The following MLLT10 variants were observed in gnomAD, a reference collection of about 807,000 sequenced individuals.
The protein encoded by MLLT10 is MLLT10 histone lysine methyltransferase DOT1L cofactor, also known as protein AF-10.
MLLT10 carries 30 observed loss-of-function variants against 129.1 expected under a neutral mutation model. The observed-to-expected ratio is 0.23, with a 90% CI of 0.17 to 0.32. MLLT10 has a LOEUF of 0.32. Ranked by LOEUF, MLLT10 falls within the 10% of genes least tolerant of loss-of-function variation. The probability of loss-of-function intolerance (pLI) is 1.00; values close to 1 mark genes in which losing one functional copy is unlikely to be tolerated. For synonymous variants in MLLT10, 490 were observed against 446.4 expected, an observed-to-expected ratio of 1.10 and a Z score of -1.23; for missense variants, 1,119 against 1,268.3, an observed-to-expected ratio of 0.88 and a Z score of 1.79.
intron 5 of MLLT10, among the ~76,000 whole-genome samples, chr10:21,597,972 G>A (rs965648058): frequency 1.3e-5 from 2 of 152,020 alleles, no homozygotes; most frequent in African/African-American, 4.8e-5. Flanking sequence ...TCTTTTTATA[G>A]TCAGTATGGA....
chr10:21,612,561 G>C (rs1446337467), intron 6 of MLLT10, 110 bp downstream of exon 6: 1 of 552,542 alleles, frequency 1.8e-6, no homozygotes, highest in African/African-American at 1.9e-5. Flanking sequence ...AACTTTATTG[G>C]TATAGTTTCT....
At chr10:21,579,018 C>G (rs2041089616) in intron 3 of MLLT10, among the ~76,000 whole-genome samples, 1 of 152,156 alleles carries the variant, frequency 6.6e-6, no homozygotes, top group South Asian at 2.1e-4. Context: ...TGAAGAATTT[C>G]TTTAGCCTTT....
chr10:21,739,645 C>T (rs2058670307), intron 21 of MLLT10, among the ~76,000 whole-genome samples: 1 of 152,164 alleles, frequency 6.6e-6, no homozygotes, highest in Non-Finnish European at 1.5e-5. Context: ...AGAGTGGTAA[C>T]TGCATCAAGA....
At chr10:21,699,803 C>CT (rs1335576973) in intron 13 of MLLT10, among the ~76,000 whole-genome samples, 1 of 152,034 alleles carries the variant, frequency 6.6e-6, no homozygotes, top group African/African-American at 2.4e-5. Context: ...TTTGAAGTGA[C>CT]GTAGCATGAT....
rs1163740638 is a variant in MLLT10 at position 21,697,099 on chromosome 10, CAAAAAAAAAAA to C, written c.1699+14855_1699+14865del. On this transcript the variant is annotated intron_variant, in intron 13 of 22. Transcript: ENST00000307729. ...AGAAGTGAATTCTGTCTGATTTAAGCAAAAAAAAAAAAAAAAAAAAAAAGAGGGAGAATTTA... is the reference window on the plus strand; with the variant it reads ...AGAAGTGAATTCTGTCTGATTTAAGCAAAAAAAAAAAAGAGGGAGAATTTA... Among the ~76,000 whole-genome samples the C allele has an allele frequency of 3.3e-4, 27 of 82,660 alleles. 1 individual carries two copies. In the East Asian group the frequency reaches 8.1e-3, roughly 25 times the overall value. 54.2% of individuals were successfully genotyped at this position (82,660 alleles called of 152,430 possible). A position where few individuals can be genotyped will look rare whatever the true frequency, so the allele number is the denominator to read the frequency against.
chr10:21,644,665 AC>A (rs2048317852), intron 8 of MLLT10, among the ~76,000 whole-genome samples: 1 of 152,138 alleles, frequency 6.6e-6, no homozygotes, highest in Non-Finnish European at 1.5e-5. Context: ...TTTTTGAGAC[AC>A]GGTCTCACTC....
chr10:21,570,923 T>C (rs1482681657), intron 3 of MLLT10, among the ~76,000 whole-genome samples: 1 of 152,174 alleles, frequency 6.6e-6, no homozygotes, highest in Non-Finnish European at 1.5e-5. Flanking sequence ...CCTTGTTTTC[T>C]AGTTTCTCTA....
chr10:21,591,799 C>A (rs2042535650), intron 4 of MLLT10, among the ~76,000 whole-genome samples: 1 of 151,852 alleles, frequency 6.6e-6, no homozygotes, highest in Non-Finnish European at 1.5e-5. Context: ...TCTCGGCTCA[C>A]TGCAACCTCT....
chr10:21,559,417 C>A (rs2038508113), intron 3 of MLLT10, among the ~76,000 whole-genome samples: 1 of 152,148 alleles, frequency 6.6e-6, no homozygotes. Context: ...ATTTTTGAAT[C>A]CATGAACATG....
At chr10:21,621,068 T>A (rs1589270743) in intron 8 of MLLT10, among the ~76,000 whole-genome samples, 1 of 149,878 alleles carries the variant, frequency 6.7e-6, no homozygotes. Flanking sequence ...TACTGCAAGC[T>A]CCGCCTCCGG....
At chr10:21,678,882 T>G (rs755716148) in intron 11 of MLLT10, among the ~76,000 whole-genome samples, 10 of 152,198 alleles carry the variant, frequency 6.6e-5, no homozygotes, top group Non-Finnish European at 1.5e-4. Context: ...ACAGCTCCTC[T>G]TGATGTTGTT....
chr10:21,572,884 T>C (rs373959598), intron 3 of MLLT10, among the ~76,000 whole-genome samples: 8 of 152,180 alleles, frequency 5.3e-5, no homozygotes, highest in African/African-American at 1.9e-4. Flanking sequence ...GTGCTGGGAT[T>C]ACAGGCATGA....
At chr10:21,694,124 G>T (rs1390950660) in intron 13 of MLLT10, among the ~76,000 whole-genome samples, 4 of 152,182 alleles carry the variant, frequency 2.6e-5, no homozygotes, top group African/African-American at 9.7e-5. Flanking sequence ...CCATTTGAGA[G>T]TAAGTTGCGC....
intron 3 of MLLT10, among the ~76,000 whole-genome samples, chr10:21,562,386 G>GGA (rs1475411809): frequency 1.3e-5 from 2 of 150,978 alleles, no homozygotes; most frequent in Non-Finnish European, 2.9e-5. Context: ...TGCCCAGGCT[G>GGA]GAGTGCAGTG....
intron 3 of MLLT10, among the ~76,000 whole-genome samples, chr10:21,573,064 G>C (rs1479639347): frequency 6.6e-6 from 1 of 151,954 alleles, no homozygotes; most frequent in Admixed American, 6.6e-5. Flanking sequence ...CCTTACTTAA[G>C]TCATATTAAT....
At chr10:21,600,909 T>C (rs2043464058) in intron 5 of MLLT10, among the ~76,000 whole-genome samples, 1 of 152,124 alleles carries the variant, frequency 6.6e-6, no homozygotes, top group African/African-American at 2.4e-5. Context: ...CTATTATTCA[T>C]TATATTTGTT....
Position 21,703,598 on chromosome 10 carries a change from G to A in MLLT10, c.1700-10174G>A, listed in dbSNP as rs573946134. ...CTCGCTTTGTCACCCAGGCTGGAGT[G>A]CAGTGGCGCGATCTCCGCTCACTGC... On this transcript the variant is annotated intron_variant, in intron 13 of 22. Transcript: ENST00000307729. 7.9e-5 allele frequency among the ~76,000 whole-genome samples: 12 copies of A among 151,946 alleles called. No individual in the cohort carries two copies. The South Asian group carries it at 2.5e-3, about 32-fold the overall frequency.
chr10:21,598,286 T>A (rs899013221), intron 5 of MLLT10, among the ~76,000 whole-genome samples: 2 of 152,360 alleles, frequency 1.3e-5, no homozygotes, highest in African/African-American at 4.8e-5. Flanking sequence ...TGGTGGGACC[T>A]CTTTAAGCTG....
chr10:21,536,397 G>C (rs1380288096), intron 2 of MLLT10, among the ~76,000 whole-genome samples: 1 of 152,142 alleles, frequency 6.6e-6, no homozygotes, highest in Non-Finnish European at 1.5e-5. Flanking sequence ...TTATGAATTG[G>C]ATGATAAACT....
Sources: gnomAD v4.1 joint callset for allele counts (sites outside exome capture counted in the v4.1 genomes callset) on GRCh38, gnomAD v4.1.1 for gene constraint, MANE v1.5 for transcripts, NCBI Gene and HGNC (gene_info 2026-07-23, HGNC 2026-07-21) for gene names.